Variants in OTUD7A observed in about 807,000 individuals in gnomAD.
OTUD7A encodes OTU domain-containing protein 7A.
OTUD7A carries 12 observed loss-of-function variants against 65.7 expected under a neutral mutation model. The ratio of observed to expected loss-of-function variants is 0.18; its 90% CI spans 0.12 to 0.30. OTUD7A has a LOEUF of 0.30. Ranked by LOEUF, OTUD7A falls within the 10% of genes least tolerant of loss-of-function variation. The pLI, the probability that OTUD7A is intolerant of heterozygous loss-of-function variation, is 1.00. For missense variants in OTUD7A, 1,148 were observed against 1,304.8 expected (o/e 0.88, Z 1.85); for synonymous variants, 641 against 586.3 (o/e 1.09, Z -1.35).
chr15:31,600,874 T>C (rs949278147), intron 3 of OTUD7A, among the ~76,000 whole-genome samples: 1 of 152,180 alleles, frequency 6.6e-6, no homozygotes, highest in African/African-American at 2.4e-5. Flanking sequence ...GGGCATTACA[T>C]AGTGGTAAAG....
At chr15:31,729,248 G>A (rs1893975907) in intron 1 of OTUD7A, among the ~76,000 whole-genome samples, 2 of 152,182 alleles carry the variant, frequency 1.3e-5, no homozygotes, top group East Asian at 3.8e-4. Context: ...GTATGGGGGT[G>A]TTAAGGGGTT....
Position 31,487,947 on chromosome 15 carries a change from C to T in OTUD7A, c.1172-381G>A, listed in dbSNP as rs1194076513. The stretch of plus-strand genomic sequence containing the variant: ...TGGGCCTGGGGCTCAGCTCTCCTGT[C>T]TCGTCCCAGAGAAGGGCCGAATGTG... On this transcript the variant is annotated intron_variant, in intron 10 of 12. Coordinates refer to ENST00000307050, the MANE Select transcript of OTUD7A (RefSeq NM_001382637.1). The surrounding 1 kb of genome is among the most constrained non-coding windows in gnomAD (Gnocchi z 6.0). Among the ~76,000 whole-genome samples, 1 of 152,180 alleles carries T rather than the reference C, an allele frequency of 6.6e-6. No homozygotes were observed. Among genetic ancestry groups the T allele is most frequent in the Admixed American group, 6.5e-5 (1 of 15,284 alleles).
At chr15:31,600,157 C>T (rs1890031952) in intron 3 of OTUD7A, among the ~76,000 whole-genome samples, 1 of 152,140 alleles carries the variant, frequency 6.6e-6, no homozygotes, top group Non-Finnish European at 1.5e-5. Flanking sequence ...CAAAGATACT[C>T]CTCGAGAAGA....
chr15:31,759,238 A>G (rs1320183234), intron 1 of OTUD7A, among the ~76,000 whole-genome samples: 1 of 152,204 alleles, frequency 6.6e-6, no homozygotes, highest in Non-Finnish European at 1.5e-5. Flanking sequence ...CATCTTTTAA[A>G]AGACACTAAT....
At position 31,752,003 on chromosome 15, in the gene OTUD7A, A is replaced by G. The variant is rs564022513; in HGVS notation, c.-99-94926T>C. ...AGCCCAAACCCCAGCATCACACAAT[A>G]TACCCTTGTAACAAACCTGCACACA... On this transcript the variant is annotated intron_variant, in intron 1 of 12. Coordinates refer to ENST00000307050, the MANE Select transcript of OTUD7A (RefSeq NM_001382637.1). Among the ~76,000 whole-genome samples, 4 of 152,278 alleles carry G rather than the reference A, an allele frequency of 2.6e-5. No homozygotes were observed. In the South Asian group the frequency reaches 8.3e-4, roughly 32 times the overall value.
chr15:31,486,048 C>G (rs1465972964), intron 12 of OTUD7A, among the ~76,000 whole-genome samples: 4 of 152,182 alleles, frequency 2.6e-5, no homozygotes, highest in African/African-American at 9.7e-5. Flanking sequence ...GCACTGAGAG[C>G]GGGCTCAGGA....
At chr15:31,684,181 G>A (rs1227526676) in intron 1 of OTUD7A, among the ~76,000 whole-genome samples, 1 of 152,198 alleles carries the variant, frequency 6.6e-6, no homozygotes, top group Non-Finnish European at 1.5e-5. Flanking sequence ...GGCCAAGGAT[G>A]CAATTACAGT....
intron 10 of OTUD7A, among the ~76,000 whole-genome samples, chr15:31,500,768 G>A (rs961451466): frequency 6.6e-6 from 1 of 152,220 alleles, no homozygotes; most frequent in African/African-American, 2.4e-5. Flanking sequence ...GTTGGCCCTG[G>A]ACAGGGCACT....
At chr15:31,530,591 T>A in intron 6 of OTUD7A, 116 bp downstream of exon 6, 1 of 913,246 alleles carries the variant, frequency 1.1e-6, no homozygotes, top group East Asian at 2.7e-5. Flanking sequence ...GACAGTGACA[T>A]GGGTGACTCT....
intron 12 of OTUD7A, among the ~76,000 whole-genome samples, chr15:31,485,620 C>G (rs1037319865): frequency 4.6e-5 from 7 of 152,286 alleles, no homozygotes; most frequent in African/African-American, 1.7e-4. Context: ...GCACCTACTA[C>G]TACTCTGTAG....
chr15:31,703,963 A>T (rs1893271497), intron 1 of OTUD7A, among the ~76,000 whole-genome samples: 2 of 140,236 alleles, frequency 1.4e-5, no homozygotes, highest in South Asian at 2.3e-4. Flanking sequence ...AAAATCCCCA[A>T]ATTACATATT....
At chr15:31,732,585 G>C (rs1357383469) in intron 1 of OTUD7A, among the ~76,000 whole-genome samples, 1 of 152,224 alleles carries the variant, frequency 6.6e-6, no homozygotes, top group Non-Finnish European at 1.5e-5. Context: ...TAGTCACTTG[G>C]AAACGCCACA....
rs2041018638 is a variant in OTUD7A, at chr15:31,476,373, C to T, written c.*6921G>A. ...CCACTGCCAAGTCATCATTCCGTAT[C>T]AGGTGTTTGGATTCCATTCCTGCAA... On this transcript the variant is annotated 3_prime_UTR_variant, in exon 13 of 13. Coordinates refer to ENST00000307050, the MANE Select transcript of OTUD7A (RefSeq NM_001382637.1). The T allele has an allele frequency of 6.6e-6, 1 of 152,306 alleles. No homozygotes were observed. Among genetic ancestry groups the T allele is most frequent in the African/African-American group, 2.4e-5 (1 of 41,448 alleles). The allele number at this position is 152,306 out of a possible 1,614,324, so 9.4% of individuals were successfully genotyped here.
rs151000767 is a variant in OTUD7A at position 31,536,534 on chromosome 15, A to T, written c.551-5726T>A. ...AAAGCATTTTAATCAAAAATTCTTT[A>T]AAAAAGAGAGAAATATTAATAGGAT... is the stretch of plus-strand genomic sequence containing the variant. On this transcript the variant is annotated intron_variant, in intron 5 of 12. Transcript: ENST00000307050. 3.3e-3 allele frequency among the ~76,000 whole-genome samples: 503 copies of T among 152,356 alleles called. 3 individuals carry two copies. The highest frequency in any genetic ancestry group is 0.012 in the African/African-American group (483 of 41,572).
At chr15:31,669,576 C>T (rs1351046204) in intron 1 of OTUD7A, among the ~76,000 whole-genome samples, 1 of 152,176 alleles carries the variant, frequency 6.6e-6, no homozygotes, top group African/African-American at 2.4e-5. Flanking sequence ...TACCTGCTTC[C>T]CAGCTAGAAA....
At position 31,559,096 on chromosome 15, in the gene OTUD7A, C is replaced by A; in HGVS notation, c.423G>T (p.Gln141His). Residue 141 changes from glutamine (Q) to histidine (H), a missense_variant, in exon 5 of 13, where the codon CAG becomes CAT. This residue lies in a region of OTUD7A where 134 missense variants were observed against 252.6 expected (regional missense o/e 0.53). Coordinates refer to ENST00000307050, the MANE Select transcript of OTUD7A (RefSeq NM_001382637.1). The stretch of plus-strand genomic sequence containing the variant: ...TGTAGATTGGCATCTCCAGGGGGAA[C>A]TGCTCGTTGTTGCATTCACTTGCCA... ...SHVASECNNE[Q>H]FPLEMPIYTF... The A allele has an allele frequency of 3.1e-6, 5 of 1,613,180 alleles. No homozygotes were observed. The highest frequency in any genetic ancestry group is 4.2e-6 in the Non-Finnish European group (5 of 1,179,684).
chr15:31,819,577 G>C lies in OTUD7A; in HGVS notation c.-100+50930C>G, dbSNP rs143194178. Among the ~76,000 whole-genome samples the C allele has an allele frequency of 2.4e-3, 370 of 152,182 alleles. 2 individuals carry two copies. Among genetic ancestry groups the C allele is most frequent in the Non-Finnish European group, 2.5e-3 (167 of 67,998 alleles). On this transcript the variant is annotated intron_variant, in intron 1 of 12. Transcript: ENST00000307050. ...CCAGTATTGGTTGTTTGGGAATATG[G>C]AATTTTGAAATTCCAATGTATTTTA...
chr15:31,780,409 T>C (rs1413869851), intron 1 of OTUD7A, among the ~76,000 whole-genome samples: 2 of 152,050 alleles, frequency 1.3e-5, no homozygotes, highest in East Asian at 1.9e-4. Flanking sequence ...ATAAAAAAAG[T>C]ATAAAAAACC....
chr15:31,799,898 C>T (rs1053620382), intron 1 of OTUD7A, among the ~76,000 whole-genome samples: 8 of 152,016 alleles, frequency 5.3e-5, no homozygotes, highest in African/African-American at 9.7e-5. Flanking sequence ...GGGGGAAGCA[C>T]CACTGAGTTA....
Sources: allele counts gnomAD v4.1 joint callset (sites outside exome capture counted in the v4.1 genomes callset), GRCh38; gene constraint gnomAD v4.1.1; regional missense constraint gnomAD v4.1.1; non-coding constraint Gnocchi (gnomAD v3.1); transcripts MANE v1.5; gene names NCBI Gene and HGNC (gene_info 2026-07-23, HGNC 2026-07-21).